Variants in GART observed in about 807,000 individuals in gnomAD.
GART encodes the protein trifunctional purine biosynthetic protein adenosine-3.
Under a neutral mutation model 107.2 loss-of-function variants are expected in GART, and 43 were observed. That is an observed-to-expected ratio of 0.40 (90% CI 0.31 to 0.52). The LOEUF (loss-of-function observed/expected upper bound fraction) is 0.52, where lower values mean the gene tolerates loss of function less well. GART is among the 20% of genes least tolerant of loss of function. GART has a pLI of 0.52. For missense variants in GART, 1,107 were observed against 1,206.5 expected, an observed-to-expected ratio of 0.92 and a Z score of 1.22; for synonymous variants, 434 against 427.0, an observed-to-expected ratio of 1.02 and a Z score of -0.20.
intron 16 of GART, among the ~76,000 whole-genome samples, chr21:33,516,499 C>T (rs928191278): frequency 1.3e-5 from 2 of 152,164 alleles, no homozygotes; most frequent in African/African-American, 2.4e-5. Flanking sequence ...ATTTAAAAAC[C>T]TTCTATTCCA....
Position 33,528,236 on chromosome 21 carries a change from T to C in GART, c.997A>G (p.Thr333Ala). The C allele has an allele frequency of 1.2e-6, 2 of 1,614,030 alleles. No homozygotes were observed. Among genetic ancestry groups the C allele is most frequent in the Non-Finnish European group, 1.7e-6 (2 of 1,179,980 alleles). The change falls in exon 10 of 22, where the codon ACC becomes GCC. Residue 333 changes from threonine (T) to alanine (A), a missense_variant. By Grantham distance (58) the Thr-to-Ala change is moderately conservative. Coordinates refer to ENST00000381815, the MANE Select transcript of GART (RefSeq NM_000819.5). The part of the protein sequence containing the change: ...TSLPVWLENH[T>A]ALTVVMASKG... ...CTTGCCATGACAACAGTTAGGGCGG[T>C]GTGGTTTTCTAGCCAAACAGGCAGA...
intron 2 of GART, among the ~76,000 whole-genome samples, chr21:33,537,945 G>A (rs1352555015): frequency 1.3e-5 from 2 of 152,090 alleles, no homozygotes; most frequent in East Asian, 3.9e-4. Context: ...TTTGCCAATT[G>A]AGAGATAAGG....
chr21:33,541,348 C>G (rs1284960658), intron 1 of GART, among the ~76,000 whole-genome samples: 1 of 152,160 alleles, frequency 6.6e-6, no homozygotes. Context: ...GGTTTCACTA[C>G]GTTGGCCAGG....
intron 1 of GART, among the ~76,000 whole-genome samples, chr21:33,540,521 A>G (rs1193959076): frequency 6.6e-6 from 1 of 152,220 alleles, no homozygotes; most frequent in East Asian, 1.9e-4. Context: ...GAATATTGGT[A>G]GAGAAGGCAA....
chr21:33,520,170 A>C (rs2084944374), intron 14 of GART, among the ~76,000 whole-genome samples, 194 bp downstream of exon 14: 2 of 152,174 alleles, frequency 1.3e-5, no homozygotes, highest in Non-Finnish European at 2.9e-5. Context: ...ACCCCTGAGG[A>C]GGGCTTTGAA....
intron 11 of GART, 117 bp from the exon 12 acceptor site, chr21:33,522,399 A>AT (rs1354147568): frequency 3.9e-5 from 30 of 776,318 alleles, no homozygotes; most frequent in Non-Finnish European, 6.2e-5. Context: ...AAGTGCTTAA[A>AT]TTTTTTTAAA....
chr21:33,534,418 T>C (rs1253787469), intron 4 of GART, among the ~76,000 whole-genome samples, 161 bp downstream of exon 4: 1 of 152,032 alleles, frequency 6.6e-6, no homozygotes, highest in African/African-American at 2.4e-5. Context: ...GGTTTTACCA[T>C]GGTACCCAGG....
intron 14 of GART, chr21:33,519,080 C>T (rs1265201594): frequency 1.7e-5 from 5 of 294,682 alleles, no homozygotes; most frequent in Admixed American, 1.3e-4. Context: ...TGTTTCTTTT[C>T]CATCATTACG....
chr21:33,505,232 G>T (rs1199227630), intron 20 of GART, among the ~76,000 whole-genome samples: 6 of 152,144 alleles, frequency 3.9e-5, no homozygotes, highest in Non-Finnish European at 5.9e-5. Context: ...ATAAAGGAAG[G>T]TCTTCTGAAT....
chr21:33,535,290 G>T lies in GART; in HGVS notation c.176C>A (p.Ala59Asp), dbSNP rs1247588747. Reference protein sequence around the residue: ...AISISDHTALAQFCKEKKIEF... With the variant: ...AISISDHTALDQFCKEKKIEF... ...AATTTTCTTCTCTTTGCAGAATTGAGCAAGGGCAGTGTGGTCACTGATTGA... is the reference window on the plus strand; with the variant it reads ...AATTTTCTTCTCTTTGCAGAATTGATCAAGGGCAGTGTGGTCACTGATTGA... The change falls in exon 3 of 22, where the codon GCT becomes GAT. Residue 59 changes from alanine (A) to aspartate (D), a missense_variant. By Grantham distance (126) the Ala-to-Asp change is moderately radical (BLOSUM62 -2). Transcript: ENST00000381815. 4.9e-6 allele frequency: 7 copies of T among 1,425,006 alleles called. No homozygotes were observed. Among genetic ancestry groups the T allele is most frequent in the Non-Finnish European group, 6.6e-6 (7 of 1,061,262 alleles). The allele number at this position is 1,425,006 out of a possible 1,614,324, so 88.3% of individuals were successfully genotyped here.
At position 33,532,429 on chromosome 21, in the gene GART, C is replaced by A. The variant is rs1366906801; in HGVS notation, c.444G>T (p.Lys148Asn). ...LSADFPALVV[K>N]ASGLAAGKGV... Reference sequence around the variant, plus strand: ...CTTTTCCAGCTGCAAGACCACTGGCCTTCACAACCAAAGCAGGGAAGTCTG... The same window carrying A: ...CTTTTCCAGCTGCAAGACCACTGGCATTCACAACCAAAGCAGGGAAGTCTG... The change falls in exon 5 of 22, where the codon AAG (lysine) becomes AAT (asparagine). Residue 148 changes from lysine to asparagine, a missense_variant. Coordinates refer to ENST00000381815, the MANE Select transcript of GART (RefSeq NM_000819.5). 6.2e-7 allele frequency: 1 copy of A among 1,613,976 alleles called. No homozygotes were observed. The highest frequency in any genetic ancestry group is 1.3e-5 in the African/African-American group (1 of 75,044).
chr21:33,540,832 T>A (rs2085399927), intron 1 of GART, among the ~76,000 whole-genome samples: 1 of 152,218 alleles, frequency 6.6e-6, no homozygotes, highest in Admixed American at 6.5e-5. Flanking sequence ...GGCAGGGTAC[T>A]ATTTAAAATG....
In GART at chr21:33,525,020, AC is replaced by A. The variant is rs2085045161; in HGVS notation, c.1067-21del. 6.2e-7 allele frequency: 1 copy of A among 1,601,382 alleles called. No individual in the cohort carries two copies. The highest frequency in any genetic ancestry group is 8.5e-7 in the Non-Finnish European group (1 of 1,174,438). On this transcript the variant is annotated intron_variant, in intron 10 of 21. Transcript: ENST00000381815. ...GAAACCCTAGAAGAGAGCATATTTG[AC>A]ATATGATTTCAAATAGCAACAGTAT... is the stretch of plus-strand genomic sequence containing the variant.
At chr21:33,530,719 C>T in intron 7 of GART, 40 bp downstream of exon 7, 1 of 1,362,290 alleles carries the variant, frequency 7.3e-7, no homozygotes. Context: ...CTGAGAAAAC[C>T]AAACTACTAC....
At position 33,522,294 on chromosome 21, in the gene GART, A is replaced by C. The variant is rs763086550; in HGVS notation, c.1299-12T>G. 2.6e-6 allele frequency: 4 copies of C among 1,567,746 alleles called. No homozygotes were observed. In the African/African-American group the frequency reaches 5.4e-5, roughly 21 times the overall value. ...TGTAAGTCAAACTCCTAAAGAATTA[A>C]AAACAAGTCATCACCTAAACGTCAG... is the stretch of plus-strand genomic sequence containing the variant. On this transcript the variant is annotated splice_polypyrimidine_tract_variant and intron_variant, in intron 11 of 21. Coordinates refer to ENST00000381815, the MANE Select transcript of GART (RefSeq NM_000819.5).
intron 1 of GART, among the ~76,000 whole-genome samples, chr21:33,540,968 C>G (rs1341726441): frequency 1.3e-5 from 2 of 150,536 alleles, no homozygotes; most frequent in African/African-American, 2.4e-5. Context: ...TGGAGCCTAA[C>G]AGAAGCAATT....
At chr21:33,520,819 T>C (rs2084959583) in intron 13 of GART, 87 bp downstream of exon 13, 8 of 1,020,144 alleles carry the variant, frequency 7.8e-6, no homozygotes, top group Middle Eastern at 2.2e-4. Context: ...TTTTAGCTCA[T>C]ATATGTCAAG....
In GART at chr21:33,531,574, T is replaced by TC. The variant is rs2085190855; in HGVS notation, c.529-18_529-17insG. On this transcript the variant is annotated splice_polypyrimidine_tract_variant and intron_variant, in intron 5 of 21. Coordinates refer to ENST00000381815, the MANE Select transcript of GART (RefSeq NM_000819.5). ...GGCTTTCTCCTGATTGTAAGATTTT[T>TC]TTTTTTTTTTTTTTTAAAAAAAGAG... 2.6e-6 allele frequency: 4 copies of TC among 1,541,136 alleles called. No homozygotes were observed. The highest frequency in any genetic ancestry group is 1.4e-5 in the African/African-American group (1 of 71,876).
At chr21:33,520,269 T>C (rs931544417) in intron 14 of GART, 95 bp downstream of exon 14, 5 of 1,021,266 alleles carry the variant, frequency 4.9e-6, no homozygotes, top group Non-Finnish European at 6.1e-6. Flanking sequence ...ATACAGTCTC[T>C]CTTGCTAGCT....
Sources: gnomAD v4.1 joint callset for allele counts (sites outside exome capture counted in the v4.1 genomes callset) on GRCh38, gnomAD v4.1.1 for gene constraint, MANE v1.5 for transcripts, NCBI Gene and HGNC (gene_info 2026-07-23, HGNC 2026-07-21) for gene names.